Variants in SLCO3A1 observed in about 807,000 individuals in gnomAD.
SLCO3A1 encodes solute carrier organic anion transporter family member 3A1, also known as PGE1 transporter.
A neutral mutation model predicts 63.1 loss-of-function variants in SLCO3A1; 27 were observed. The ratio of observed to expected loss-of-function variants is 0.43; its 90% CI spans 0.32 to 0.59. The LOEUF (loss-of-function observed/expected upper bound fraction) is 0.59. Among genes scored for constraint, SLCO3A1 ranks in the 20% least tolerant of loss-of-function variants. The pLI is 0.09. For missense variants in SLCO3A1, 773 were observed against 945.8 expected (o/e 0.82, Z 2.40); for synonymous variants, 473 against 409.9 (o/e 1.15, Z -1.86).
At chr15:92,134,456 G>T (rs1451563629) in intron 7 of SLCO3A1, among the ~76,000 whole-genome samples, 1 of 152,182 alleles carries the variant, frequency 6.6e-6, no homozygotes, top group Non-Finnish European at 1.5e-5. Flanking sequence ...ATTATTAATA[G>T]AGGTATGTCC....
intron 3 of SLCO3A1, among the ~76,000 whole-genome samples, chr15:92,103,962 T>C (rs2239295): frequency 0.72 from 109,769 of 152,106 alleles, 39,823 homozygotes; most frequent in Admixed American, 0.82. Flanking sequence ...CTTCTTTCAG[T>C]ACACCTTAGC....
chr15:92,136,864 G>A (rs2151576722), intron 7 of SLCO3A1, among the ~76,000 whole-genome samples: 1 of 151,912 alleles, frequency 6.6e-6, no homozygotes, highest in East Asian at 1.9e-4. Flanking sequence ...GGCTTTTTCA[G>A]TTAATAGTTT....
intron 2 of SLCO3A1, among the ~76,000 whole-genome samples, chr15:92,065,124 C>A (rs1006573640): frequency 6.6e-6 from 1 of 151,804 alleles, no homozygotes; most frequent in East Asian, 1.9e-4. Context: ...GCTTTGTCAC[C>A]CAAGCTGGAG....
At chr15:92,067,376 G>T (rs1321284212) in intron 2 of SLCO3A1, among the ~76,000 whole-genome samples, 3 of 151,984 alleles carry the variant, frequency 2.0e-5, no homozygotes, top group African/African-American at 7.3e-5. Context: ...CCCTCACGTA[G>T]GTCATGTAGC....
intron 2 of SLCO3A1, among the ~76,000 whole-genome samples, chr15:91,931,084 A>G (rs542357698): frequency 5.7e-4 from 87 of 152,350 alleles, no homozygotes; most frequent in Middle Eastern, 3.4e-3. Context: ...GTGCTCAGAA[A>G]TATTTTACAA....
intron 2 of SLCO3A1, among the ~76,000 whole-genome samples, chr15:91,944,123 C>T (rs1036018941): frequency 1.4e-4 from 22 of 152,286 alleles, no homozygotes; most frequent in African/African-American, 4.6e-4. Context: ...CATCTATAAA[C>T]TGCCTCCCTA....
rs1567166521 is a variant in SLCO3A1 at position 91,875,235 on chromosome 15, G to A, written c.180+21147G>A. On this transcript the variant is annotated intron_variant, in intron 1 of 9. Coordinates refer to ENST00000318445, the MANE Select transcript of SLCO3A1 (RefSeq NM_013272.4). The surrounding 1 kb of genome is among the most constrained non-coding windows in gnomAD (Gnocchi z 4.5). The stretch of plus-strand genomic sequence containing the variant: ...TCATCTCATTTAGTCCTTTAGGGGC[G>A]GCAGTGTTGTCCCACATTGTAGCTC... 2.6e-5 allele frequency among the ~76,000 whole-genome samples: 4 copies of A among 152,086 alleles called. No homozygotes were observed. The highest frequency in any genetic ancestry group is 2.1e-4 in the South Asian group (1 of 4,820).
At chr15:92,072,894 G>C (rs886545575) in intron 2 of SLCO3A1, among the ~76,000 whole-genome samples, 5 of 152,150 alleles carry the variant, frequency 3.3e-5, no homozygotes, top group African/African-American at 1.2e-4. Flanking sequence ...TCATTCACAG[G>C]TTCCAGGACA....
intron 1 of SLCO3A1, among the ~76,000 whole-genome samples, chr15:91,910,080 C>T (rs1898437417): frequency 6.6e-6 from 1 of 152,162 alleles, no homozygotes; most frequent in Non-Finnish European, 1.5e-5. Context: ...TTATCTCAGA[C>T]GACTACTCAC....
At chr15:91,855,797 C>G (rs572689331) in intron 1 of SLCO3A1, among the ~76,000 whole-genome samples, 9 of 151,980 alleles carry the variant, frequency 5.9e-5, no homozygotes, top group Non-Finnish European at 1.0e-4. Context: ...AATACCTAAC[C>G]GGGTCTATGT....
intron 2 of SLCO3A1, among the ~76,000 whole-genome samples, chr15:91,987,236 G>C (rs1035531827): frequency 6.6e-6 from 1 of 152,108 alleles, no homozygotes; most frequent in Admixed American, 6.5e-5. Context: ...ACATGAAGGG[G>C]GAGCATACAT....
intron 2 of SLCO3A1, among the ~76,000 whole-genome samples, chr15:91,977,947 T>C (rs1431498193): frequency 6.6e-6 from 1 of 152,234 alleles, no homozygotes; most frequent in African/African-American, 2.4e-5. Flanking sequence ...GTTGTCTCCC[T>C]GAACCTTGCA....
intron 2 of SLCO3A1, among the ~76,000 whole-genome samples, chr15:92,068,116 A>G (rs1343549094): frequency 5.9e-5 from 9 of 152,210 alleles, no homozygotes; most frequent in Admixed American, 5.2e-4. Context: ...CGTTCAGACC[A>G]TAGCAGTACT....
chr15:92,002,995 C>T (rs865795256), intron 2 of SLCO3A1, among the ~76,000 whole-genome samples: 4 of 152,124 alleles, frequency 2.6e-5, no homozygotes, highest in Non-Finnish European at 4.4e-5. Context: ...GCTTATCTCA[C>T]GGAGTATTAT....
intron 2 of SLCO3A1, among the ~76,000 whole-genome samples, chr15:91,966,313 C>A (rs1900659504): frequency 6.6e-6 from 1 of 152,188 alleles, no homozygotes; most frequent in Admixed American, 6.5e-5. Context: ...AGCACTGACA[C>A]CAGTGCAGAC....
chr15:92,016,258 A>AT (rs1381678735), intron 2 of SLCO3A1, among the ~76,000 whole-genome samples: 3,825 of 125,990 alleles, frequency 0.03, 116 homozygotes, highest in African/African-American at 0.089. Context: ...GATAGATTAG[A>AT]TAGATAGATA....
At chr15:91,987,963 A>T (rs1470728420) in intron 2 of SLCO3A1, among the ~76,000 whole-genome samples, 2 of 152,092 alleles carry the variant, frequency 1.3e-5, no homozygotes, top group Non-Finnish European at 2.9e-5. Flanking sequence ...GATTAAGGGA[A>T]TCCATTCAAG....
intron 2 of SLCO3A1, among the ~76,000 whole-genome samples, chr15:92,023,785 A>G (rs564182459): frequency 1.9e-4 from 29 of 152,180 alleles, no homozygotes; most frequent in Non-Finnish European, 2.6e-4. Context: ...GATTTTTCAT[A>G]AACAAACTTA....
At chr15:92,055,249 T>G (rs2047007818) in intron 2 of SLCO3A1, among the ~76,000 whole-genome samples, 1 of 152,242 alleles carries the variant, frequency 6.6e-6, no homozygotes, top group South Asian at 2.1e-4. Context: ...TGTCTTCTCT[T>G]GAGAAGTTTC....
Sources: gnomAD v4.1 joint callset for allele counts (sites outside exome capture counted in the v4.1 genomes callset) on GRCh38, gnomAD v4.1.1 for gene constraint, Gnocchi (gnomAD v3.1) non-coding constraint, MANE v1.5 for transcripts, NCBI Gene and HGNC (gene_info 2026-07-23, HGNC 2026-07-21) for gene names.